Variants in CYB5A observed in about 807,000 individuals in gnomAD.
The protein encoded by CYB5A is cytochrome b5.
CYB5A carries 10 observed loss-of-function variants against 16.2 expected under a neutral mutation model. The ratio of observed to expected loss-of-function variants is 0.62; its 90% confidence interval spans 0.38 to 1.04. CYB5A has a LOEUF of 1.04. Among genes scored for constraint, CYB5A ranks in the 50% least tolerant of loss-of-function variants. The pLI, the probability that CYB5A is intolerant of heterozygous loss-of-function variation, is 0.01. For synonymous variants in CYB5A, 62 were observed against 57.0 expected, an observed-to-expected ratio of 1.09 and a Z score of -0.40; for missense variants, 161 against 165.9, an observed-to-expected ratio of 0.97 and a Z score of 0.16.
At chr18:74,270,055 G>T (rs1410902816) in intron 1 of CYB5A, among the ~76,000 whole-genome samples, 3 of 152,086 alleles carry the variant, frequency 2.0e-5, no homozygotes, top group African/African-American at 4.8e-5. Context: ...TATTTGCCAT[G>T]TCCTACAAGG....
intron 1 of CYB5A, among the ~76,000 whole-genome samples, chr18:74,274,003 G>A (rs977634101): frequency 6.6e-6 from 1 of 152,290 alleles, no homozygotes; most frequent in Non-Finnish European, 1.5e-5. Context: ...TCATTTGCAC[G>A]CCATTCTCCA....
chr18:74,290,359 C>T (rs1167347264), intron 1 of CYB5A, among the ~76,000 whole-genome samples: 1 of 152,164 alleles, frequency 6.6e-6, no homozygotes, highest in African/African-American at 2.4e-5. Flanking sequence ...ATTCTCCTGT[C>T]TCAGCCTCCC....
chr18:74,262,410 C>A (rs749969824), intron 2 of CYB5A, among the ~76,000 whole-genome samples: 2 of 150,254 alleles, frequency 1.3e-5, no homozygotes, highest in Non-Finnish European at 3.0e-5. Flanking sequence ...GGGCCGAGAT[C>A]GCGCCACTGC....
At chr18:74,284,284 T>C (rs1983237874) in intron 1 of CYB5A, among the ~76,000 whole-genome samples, 1 of 146,216 alleles carries the variant, frequency 6.8e-6, no homozygotes, top group African/African-American at 2.5e-5. Flanking sequence ...GCAAAGAAGG[T>C]TTTATGTGCA....
In CYB5A at chr18:74,291,735, TC is replaced by T. The variant is rs1477154243; in HGVS notation, c.129+11del. 4 of 1,613,750 alleles carry T rather than the reference TC, an allele frequency of 2.5e-6. No individual in the cohort carries two copies. In the East Asian group the frequency reaches 8.9e-5, roughly 36 times the overall value. Reference sequence around the variant, plus strand: ...CGCTCCCTGCGCCCCAAGCCGCTCATCCCCAACTCACCTCTTCCAGAAATTT... The same window carrying T: ...CGCTCCCTGCGCCCCAAGCCGCTCATCCCAACTCACCTCTTCCAGAAATTT... On this transcript the variant is annotated intron_variant, in intron 1 of 4. Coordinates refer to ENST00000340533, the MANE Select transcript of CYB5A (RefSeq NM_148923.4).
At chr18:74,254,401 CAAAA>C (rs35917281) in intron 4 of CYB5A, among the ~76,000 whole-genome samples, 12 of 110,428 alleles carry the variant, frequency 1.1e-4, no homozygotes, top group Admixed American at 2.6e-4. Flanking sequence ...CTAAATTCAC[CAAAA>C]AAAAAAAAAA....
chr18:74,274,066 G>A (rs112311972), intron 1 of CYB5A, among the ~76,000 whole-genome samples: 32 of 152,192 alleles, frequency 2.1e-4, no homozygotes, highest in Non-Finnish European at 3.8e-4. Flanking sequence ...GAGTGCACAC[G>A]TGGCTGAAAT....
intron 3 of CYB5A, chr18:74,259,282 G>A (rs1982106586): frequency 6.6e-6 from 1 of 152,208 alleles, no homozygotes; most frequent in South Asian, 2.1e-4. Flanking sequence ...AACGCACAAA[G>A]GGCTGTGCCT....
intron 1 of CYB5A, among the ~76,000 whole-genome samples, chr18:74,267,154 C>T (rs924568982): frequency 6.6e-5 from 10 of 151,224 alleles, no homozygotes; most frequent in African/African-American, 1.5e-4. Flanking sequence ...TTAATAAGCA[C>T]ACATCACTTT....
rs76241580 is a variant in CYB5A at position 74,253,338 on chromosome 18, A to G, written c.*246T>C. 2.2e-4 allele frequency: 93 copies of G among 415,446 alleles called. No individual in the cohort carries two copies. The highest frequency in any genetic ancestry group is 3.7e-4 in the Non-Finnish European group (82 of 221,054). The allele number at this position is 415,446 out of a possible 1,614,324, so 25.7% of individuals were successfully genotyped here. On this transcript the variant is annotated 3_prime_UTR_variant, in exon 5 of 5. Transcript: ENST00000340533. ...ATATTTTTAAAAGATCATGCTTATA[A>G]TAAGTAAATTACACATTAAGGAAAC...
At chr18:74,288,584 T>C (rs1983406342) in intron 1 of CYB5A, among the ~76,000 whole-genome samples, 1 of 152,246 alleles carries the variant, frequency 6.6e-6, no homozygotes, top group African/African-American at 2.4e-5. Flanking sequence ...AGAGACATTC[T>C]GCACTCATTT....
intron 3 of CYB5A, chr18:74,257,624 A>C (rs1982037937): frequency 6.6e-6 from 1 of 152,248 alleles, no homozygotes; most frequent in Admixed American, 6.5e-5. Flanking sequence ...CAATTAAATC[A>C]GTGTGTCAAA....
intron 1 of CYB5A, among the ~76,000 whole-genome samples, chr18:74,291,260 T>C (rs1055171437): frequency 6.6e-6 from 1 of 152,220 alleles, no homozygotes; most frequent in Non-Finnish European, 1.5e-5. Context: ...GAGAAAGGGA[T>C]CATTTAAATC....
In CYB5A at chr18:74,291,746, C is replaced by T. The variant is rs1156794834; in HGVS notation, c.129+1G>A. ...CCCCAAGCCGCTCATCCCCAACTCA[C>T]CTCTTCCAGAAATTTGGTCAAATCG... On this transcript the variant is annotated splice_donor_variant, in intron 1 of 4. Transcript: ENST00000340533. LOFTEE classifies it high-confidence loss of function. 6.2e-6 allele frequency: 10 copies of T among 1,613,734 alleles called. No homozygotes were observed. The South Asian group carries it at 9.9e-5, about 16-fold the overall frequency.
chr18:74,265,310 G>A (rs574908565), intron 1 of CYB5A, among the ~76,000 whole-genome samples: 2 of 152,230 alleles, frequency 1.3e-5, no homozygotes, highest in African/African-American at 4.8e-5. Flanking sequence ...CCTCCAGAGA[G>A]CCAGACATAC....
intron 1 of CYB5A, among the ~76,000 whole-genome samples, chr18:74,269,946 G>T (rs1235638563): frequency 6.6e-6 from 1 of 152,188 alleles, no homozygotes; most frequent in African/African-American, 2.4e-5. Context: ...TGGTGATGCA[G>T]AGGTAGAAGA....
chr18:74,260,153 A>C (rs565945097), intron 3 of CYB5A: 3 of 152,540 alleles, frequency 2.0e-5, no homozygotes, highest in African/African-American at 7.2e-5. Context: ...TTGCTGTTGC[A>C]CTTTCTCTAA....
In CYB5A at chr18:74,291,752, C is replaced by G. The variant is rs1277328831; in HGVS notation, c.124G>C (p.Glu42Gln). 5 of 1,613,868 alleles carry G rather than the reference C, an allele frequency of 3.1e-6. No individual in the cohort carries two copies. The highest frequency in any genetic ancestry group is 4.2e-6 in the Non-Finnish European group (5 of 1,179,798). ...GCCGCTCATCCCCAACTCACCTCTT[C>G]CAGAAATTTGGTCAAATCGTACACC... is the stretch of plus-strand genomic sequence containing the variant. ...HKVYDLTKFL[E>Q]EHPGGEEVLR... The change falls in exon 1 of 5, where the codon GAA (glutamate) becomes CAA (glutamine). Residue 42 changes from glutamate to glutamine, a missense_variant. By Grantham distance (29) the Glu-to-Gln change is conservative. Coordinates refer to ENST00000340533, the MANE Select transcript of CYB5A (RefSeq NM_148923.4).
At chr18:74,265,051 G>A (rs1000582693) in intron 1 of CYB5A, among the ~76,000 whole-genome samples, 7 of 152,112 alleles carry the variant, frequency 4.6e-5, no homozygotes, top group East Asian at 1.9e-4. Context: ...CACAAAAACC[G>A]GTCTCCCTTG....
Sources: allele counts gnomAD v4.1 joint callset (sites outside exome capture counted in the v4.1 genomes callset), GRCh38; gene constraint gnomAD v4.1.1; transcripts MANE v1.5; gene names NCBI Gene and HGNC (gene_info 2026-07-23, HGNC 2026-07-21).